The following NELL1 variants were observed in gnomAD, a reference collection of about 807,000 sequenced individuals.
The protein encoded by NELL1 is protein kinase C-binding protein NELL1.
NELL1 carries 76 observed loss-of-function variants against 107.4 expected under a neutral mutation model. The ratio of observed to expected loss-of-function variants is 0.71; its 90% CI spans 0.59 to 0.86. The LOEUF (loss-of-function observed/expected upper bound fraction) is 0.86, where lower values mean the gene tolerates loss of function less well. Ranked by LOEUF, NELL1 falls within the 40% of genes least tolerant of loss-of-function variation. The pLI, the probability that NELL1 is intolerant of heterozygous loss-of-function variation, is 0.00. For missense variants in NELL1, 1,024 were observed against 1,005.5 expected, an observed-to-expected ratio of 1.02 and a Z score of -0.25; for synonymous variants, 353 against 341.2, an observed-to-expected ratio of 1.03 and a Z score of -0.38.
intron 3 of NELL1, among the ~76,000 whole-genome samples, chr11:20,787,007 CA>C (rs71443763): frequency 2.5e-3 from 153 of 60,830 alleles, no homozygotes; most frequent in South Asian, 7.5e-3. Context: ...GACTCCGTCT[CA>C]AAAAAAAAAA....
intron 2 of NELL1, among the ~76,000 whole-genome samples, chr11:20,755,562 G>T (rs200616759): frequency 0.25 from 6,425 of 25,214 alleles, 360 homozygotes; most frequent in East Asian, 0.46. Flanking sequence ...TTTTGTTTTT[G>T]TTTTTTTTTT....
intron 14 of NELL1, among the ~76,000 whole-genome samples, chr11:21,338,132 G>T (rs1008990683): frequency 6.6e-6 from 1 of 152,008 alleles, no homozygotes; most frequent in Non-Finnish European, 1.5e-5. Context: ...AGAGAGATGT[G>T]ATGTACAGAT....
intron 12 of NELL1, among the ~76,000 whole-genome samples, chr11:21,037,334 T>A (rs2134325919): frequency 6.6e-6 from 1 of 152,220 alleles, no homozygotes; most frequent in East Asian, 1.9e-4. Context: ...CTGCTAACCT[T>A]GGGCCACTCT....
intron 12 of NELL1, among the ~76,000 whole-genome samples, chr11:21,072,864 T>C (rs796256886): frequency 1.3e-5 from 2 of 152,218 alleles, no homozygotes; most frequent in Non-Finnish European, 1.5e-5. Context: ...ATTAGCCATA[T>C]GTGTACATTT....
At position 21,020,550 on chromosome 11, in the gene NELL1, A is replaced by G. The variant is rs546284105; in HGVS notation, c.1300+59990A>G. On this transcript the variant is annotated intron_variant, in intron 12 of 19. Coordinates refer to ENST00000357134, the MANE Select transcript of NELL1 (RefSeq NM_006157.5). ...GTTAGTTTTTAAAAGATGACAAAGC[A>G]GATCAGGAAAAGTTGAAAGTAGAAA... Among the ~76,000 whole-genome samples the G allele has an allele frequency of 4.6e-5, 7 of 152,142 alleles. 1 individual carries two copies. In the South Asian group the frequency reaches 1.5e-3, roughly 32 times the overall value.
chr11:20,884,068 G>C (rs976352761), intron 4 of NELL1, among the ~76,000 whole-genome samples: 6 of 152,192 alleles, frequency 3.9e-5, no homozygotes, highest in Admixed American at 6.5e-5. Flanking sequence ...ATAATTAGTA[G>C]AGAAAGACCT....
Position 20,972,197 on chromosome 11 carries a change from TA to T in NELL1, c.1300+11643del. ...ATATATCCCAGAACTTAAAGTAAAA[TA>T]AAAAATTAAAATAAAAATAAATTGC... On this transcript the variant is annotated intron_variant, in intron 12 of 19. Transcript: ENST00000357134. Among the ~76,000 whole-genome samples the T allele has an allele frequency of 2.0e-5, 3 of 151,764 alleles. No homozygotes were observed. The Middle Eastern group carries it at 0.01, about 520-fold the overall frequency.
intron 14 of NELL1, among the ~76,000 whole-genome samples, chr11:21,323,004 G>T (rs1850048052): frequency 6.6e-6 from 1 of 152,056 alleles, no homozygotes; most frequent in African/African-American, 2.4e-5. Flanking sequence ...GGCCAATTCA[G>T]CCTGGAATAA....
intron 15 of NELL1, among the ~76,000 whole-genome samples, chr11:21,518,689 G>C (rs1296588750): frequency 1.3e-5 from 2 of 152,180 alleles, no homozygotes; most frequent in Non-Finnish European, 2.9e-5. Context: ...TTGTAGTTTG[G>C]TGGGAGTGAC....
At chr11:21,483,355 A>C (rs1270275201) in intron 15 of NELL1, among the ~76,000 whole-genome samples, 1 of 152,120 alleles carries the variant, frequency 6.6e-6, no homozygotes, top group Non-Finnish European at 1.5e-5. Context: ...ATACTCCCCA[A>C]AAAGGATACA....
At chr11:21,562,251 T>C (rs1471044939) in intron 17 of NELL1, among the ~76,000 whole-genome samples, 2 of 152,094 alleles carry the variant, frequency 1.3e-5, no homozygotes. Flanking sequence ...TATTGATTTC[T>C]TCTGTTTTGA....
Position 21,377,950 on chromosome 11 carries a change from G to T in NELL1, c.1645+7002G>T, listed in dbSNP as rs1851517640. Among the ~76,000 whole-genome samples, 3 of 151,850 alleles carry T rather than the reference G, an allele frequency of 2.0e-5. No individual in the cohort carries two copies. In the South Asian group the frequency reaches 6.2e-4, roughly 31 times the overall value. ...ATTTTAGTTCAGATAATTCTTTATTGTGGAGGGCTGTCTTATGCATTGTAG... is the reference window on the plus strand; with the variant it reads ...ATTTTAGTTCAGATAATTCTTTATTTTGGAGGGCTGTCTTATGCATTGTAG... On this transcript the variant is annotated intron_variant, in intron 15 of 19. Coordinates refer to ENST00000357134, the MANE Select transcript of NELL1 (RefSeq NM_006157.5).
intron 14 of NELL1, among the ~76,000 whole-genome samples, chr11:21,324,271 C>G (rs1040639024): frequency 6.6e-6 from 1 of 151,964 alleles, no homozygotes; most frequent in Admixed American, 6.6e-5. Context: ...AGCTGGGATT[C>G]GGACAAAAGA....
At chr11:21,212,468 C>G (rs576747408) in intron 13 of NELL1, among the ~76,000 whole-genome samples, 2 of 152,284 alleles carry the variant, frequency 1.3e-5, no homozygotes, top group East Asian at 1.9e-4. Flanking sequence ...CCTCTTACAA[C>G]TAAAAATCGC....
intron 3 of NELL1, among the ~76,000 whole-genome samples, chr11:20,819,345 C>A (rs1260044719): frequency 3.9e-5 from 6 of 152,142 alleles, no homozygotes; most frequent in Admixed American, 3.3e-4. Flanking sequence ...TGGCGTTTAA[C>A]CCAATTACAG....
chr11:21,314,864 C>CT (rs750358102), intron 14 of NELL1, among the ~76,000 whole-genome samples: 2,526 of 144,680 alleles, frequency 0.017, 35 homozygotes, highest in Middle Eastern at 0.036. Context: ...AGCAAGAGGG[C>CT]TTTTTTTTTT....
chr11:21,108,428 A>G (rs758740854), intron 12 of NELL1, among the ~76,000 whole-genome samples: 3 of 152,136 alleles, frequency 2.0e-5, no homozygotes, highest in Non-Finnish European at 4.4e-5. Context: ...CTATTTCACC[A>G]TCCTGGGGAG....
At chr11:21,250,008 A>G (rs1858596838) in intron 14 of NELL1, among the ~76,000 whole-genome samples, 1 of 152,182 alleles carries the variant, frequency 6.6e-6, no homozygotes, top group African/African-American at 2.4e-5. Flanking sequence ...ATAATTGGAT[A>G]TGGTTGATTT....
chr11:21,129,100 T>G (rs1855555585), intron 13 of NELL1, among the ~76,000 whole-genome samples: 1 of 152,200 alleles, frequency 6.6e-6, no homozygotes, highest in South Asian at 2.1e-4. Flanking sequence ...CTTTGGTGGA[T>G]TATTATAGCT....
Sources: gnomAD v4.1 joint callset for allele counts (sites outside exome capture counted in the v4.1 genomes callset) on GRCh38, gnomAD v4.1.1 for gene constraint, MANE v1.5 for transcripts, NCBI Gene and HGNC (gene_info 2026-07-23, HGNC 2026-07-21) for gene names.